Variants in SH3RF3 observed in about 807,000 individuals in gnomAD.
SH3RF3 encodes the protein SH3 domain containing ring finger 3, also known as E3 ubiquitin-protein ligase SH3RF3.
In SH3RF3, 29 loss-of-function variants were observed where a neutral mutation model predicts 66.3. That is an observed-to-expected ratio of 0.44 (90% confidence interval 0.33 to 0.60). SH3RF3 has a LOEUF of 0.60. Among genes scored for constraint, SH3RF3 ranks in the 20% least tolerant of loss-of-function variants. The pLI is 0.04. For missense variants in SH3RF3, 1,194 were observed against 1,190.9 expected, an observed-to-expected ratio of 1.00 and a Z score of -0.04; for synonymous variants, 583 against 532.0, an observed-to-expected ratio of 1.10 and a Z score of -1.32.
intron 2 of SH3RF3, among the ~76,000 whole-genome samples, chr2:109,351,428 G>A (rs1171319363): frequency 3.3e-5 from 5 of 152,250 alleles, no homozygotes; most frequent in African/African-American, 1.2e-4. Flanking sequence ...GGCTGGGAGT[G>A]CAGGAGAAGA....
chr2:109,260,554 T>G (rs1462595383), intron 1 of SH3RF3, among the ~76,000 whole-genome samples: 1 of 152,196 alleles, frequency 6.6e-6, no homozygotes, highest in Non-Finnish European at 1.5e-5. Context: ...CAGGGACACC[T>G]TGGTCATAGG....
chr2:109,326,653 C>T (rs181291875), intron 1 of SH3RF3, among the ~76,000 whole-genome samples: 174 of 152,330 alleles, frequency 1.1e-3, no homozygotes, highest in African/African-American at 3.9e-3. Flanking sequence ...GCCTTTTCTA[C>T]AATGCCTGTT....
At chr2:109,424,242 C>T (rs1676971240) in intron 5 of SH3RF3, among the ~76,000 whole-genome samples, 3 of 152,166 alleles carry the variant, frequency 2.0e-5, no homozygotes, top group Non-Finnish European at 4.4e-5. Flanking sequence ...AGTGAGCCAG[C>T]GCTGGCTTCA....
chr2:109,400,889 GT>G (rs1363493537), intron 4 of SH3RF3, among the ~76,000 whole-genome samples: 1 of 152,238 alleles, frequency 6.6e-6, no homozygotes, highest in Non-Finnish European at 1.5e-5. Context: ...GGGGCTGCTA[GT>G]GCATTTTCTG....
At chr2:109,406,405 T>C (rs1302054024) in intron 4 of SH3RF3, among the ~76,000 whole-genome samples, 2 of 152,142 alleles carry the variant, frequency 1.3e-5, no homozygotes, top group Non-Finnish European at 2.9e-5. Context: ...AGTGCCCAGG[T>C]CCATCACTGA....
chr2:109,343,676 G>A (rs906383820), intron 1 of SH3RF3, among the ~76,000 whole-genome samples: 4 of 151,998 alleles, frequency 2.6e-5, no homozygotes, highest in Non-Finnish European at 5.9e-5. Flanking sequence ...GTTACCACCT[G>A]TGGAGAGGTG....
At position 109,503,461 on chromosome 2, in the gene SH3RF3, T is replaced by A. The variant is rs1679449150; in HGVS notation, c.*1790T>A. ...GCCTTTCCCTCCCCCAAGATGATAA[T>A]AGATTTAATAGACTCAAAGAAGTTG... On this transcript the variant is annotated 3_prime_UTR_variant, in exon 10 of 10. Transcript: ENST00000309415. 2 of 152,048 alleles carry A rather than the reference T, an allele frequency of 1.3e-5. No individual in the cohort carries two copies. The highest frequency in any genetic ancestry group is 4.8e-5 in the African/African-American group (2 of 41,390). The allele number at this position is 152,048 out of a possible 1,614,324, so 9.4% of individuals were successfully genotyped here.
At chr2:109,182,752 A>G (rs1678100175) in intron 1 of SH3RF3, among the ~76,000 whole-genome samples, 1 of 152,124 alleles carries the variant, frequency 6.6e-6, no homozygotes, top group African/African-American at 2.4e-5. Flanking sequence ...AATTTAAATG[A>G]TTTCTTATTT....
At chr2:109,424,565 G>A (rs1676980532) in intron 5 of SH3RF3, among the ~76,000 whole-genome samples, 1 of 152,320 alleles carries the variant, frequency 6.6e-6, no homozygotes, top group South Asian at 2.1e-4. Flanking sequence ...CTCACTTCGA[G>A]TCTCTGTGTC....
At position 109,467,003 on chromosome 2, in the gene SH3RF3, G is replaced by A. The variant is rs186243065; in HGVS notation, c.2148+17514G>A. 7.9e-4 allele frequency among the ~76,000 whole-genome samples: 121 copies of A among 152,346 alleles called. 1 individual carries two copies. The highest frequency in any genetic ancestry group is 2.6e-3 in the African/African-American group (108 of 41,586). On this transcript the variant is annotated intron_variant, in intron 8 of 9. Transcript: ENST00000309415. ...CATACTCTGTGAAAGAGAGAAAGAGGCTGCATATTTAAAGGGTTAGGCTGA... is the reference window on the plus strand; with the variant it reads ...CATACTCTGTGAAAGAGAGAAAGAGACTGCATATTTAAAGGGTTAGGCTGA...
At chr2:109,419,709 G>C (rs934331939) in intron 5 of SH3RF3, 67 bp downstream of exon 5, 1 of 1,452,644 alleles carries the variant, frequency 6.9e-7, no homozygotes, top group African/African-American at 1.4e-5. Context: ...GGGCTGACCT[G>C]TCCACGTGTG....
At chr2:109,132,313 C>T (rs928472916) in intron 1 of SH3RF3, among the ~76,000 whole-genome samples, 1 of 152,040 alleles carries the variant, frequency 6.6e-6, no homozygotes. Flanking sequence ...AATTTTGTTA[C>T]GGTTCAATAT....
intron 1 of SH3RF3, among the ~76,000 whole-genome samples, chr2:109,257,542 CTG>C (rs1680250538): frequency 6.6e-6 from 1 of 152,294 alleles, no homozygotes. Context: ...AGCTAGGAAA[CTG>C]TGGCCCAAGT....
intron 1 of SH3RF3, among the ~76,000 whole-genome samples, chr2:109,196,598 T>C (rs1456218178): frequency 6.6e-6 from 1 of 151,942 alleles, no homozygotes; most frequent in African/African-American, 2.4e-5. Flanking sequence ...GGATGTGGAG[T>C]TGGCCTTGAA....
chr2:109,266,524 TC>T (rs1215157867), intron 1 of SH3RF3, among the ~76,000 whole-genome samples: 1 of 152,104 alleles, frequency 6.6e-6, no homozygotes, highest in Non-Finnish European at 1.5e-5. Flanking sequence ...CTCATTGTTC[TC>T]CTCAATACAG....
intron 1 of SH3RF3, among the ~76,000 whole-genome samples, chr2:109,164,278 G>A (rs978414749): frequency 1.3e-5 from 2 of 152,092 alleles, no homozygotes; most frequent in African/African-American, 4.8e-5. Flanking sequence ...GGCCTCCTGG[G>A]CTCAAGTGAT....
At chr2:109,210,634 C>T (rs930181687) in intron 1 of SH3RF3, among the ~76,000 whole-genome samples, 2 of 151,962 alleles carry the variant, frequency 1.3e-5, no homozygotes, top group East Asian at 1.9e-4. Flanking sequence ...CCTGGTGGGG[C>T]CTGGAGTAAG....
chr2:109,447,998 C>T (rs1677757524), intron 7 of SH3RF3, among the ~76,000 whole-genome samples: 1 of 152,176 alleles, frequency 6.6e-6, no homozygotes, highest in Non-Finnish European at 1.5e-5. Flanking sequence ...CTCCAGGCTG[C>T]TGCTGGGAGA....
chr2:109,500,338 C>T (rs1679357084), intron 9 of SH3RF3, among the ~76,000 whole-genome samples: 2 of 152,148 alleles, frequency 1.3e-5, no homozygotes, highest in Admixed American at 1.3e-4. Flanking sequence ...GAGCACCTGC[C>T]ACAGCCCAGA....
Sources: allele counts gnomAD v4.1 joint callset (sites outside exome capture counted in the v4.1 genomes callset), GRCh38; gene constraint gnomAD v4.1.1; transcripts MANE v1.5; gene names NCBI Gene and HGNC (gene_info 2026-07-23, HGNC 2026-07-21).